The following DPY19L2 variants were observed in gnomAD, a reference collection of about 807,000 sequenced individuals.
DPY19L2 encodes the protein dpy-19 like 2, also known as probable C-mannosyltransferase DPY19L2.
In DPY19L2, 34 loss-of-function variants were observed where a neutral mutation model predicts 97.9. That is an observed-to-expected ratio of 0.35 (90% CI 0.26 to 0.46). The LOEUF (loss-of-function observed/expected upper bound fraction) is 0.46, where lower values mean the gene tolerates loss of function less well. Ranked by LOEUF, DPY19L2 falls within the 20% of genes least tolerant of loss-of-function variation. The probability of loss-of-function intolerance (pLI) is 1.00; values close to 1 mark genes in which losing one functional copy is unlikely to be tolerated. For synonymous variants in DPY19L2, 230 were observed against 307.9 expected, an observed-to-expected ratio of 0.75 and a Z score of 2.65; for missense variants, 623 against 911.4, an observed-to-expected ratio of 0.68 and a Z score of 4.07.
chr12:63,661,003 C>T (rs1446203459), intron 4 of DPY19L2: 1 of 160,834 alleles, frequency 6.2e-6, no homozygotes, highest in African/African-American at 2.4e-5. Flanking sequence ...CTTACTGTCC[C>T]TTCACGTGGT....
intron 13 of DPY19L2, among the ~76,000 whole-genome samples, chr12:63,598,596 G>A (rs2137546229): frequency 6.6e-6 from 1 of 152,192 alleles, no homozygotes; most frequent in East Asian, 1.9e-4. Flanking sequence ...CCAGAAAAAG[G>A]AAAATATTTG....
At chr12:63,635,083 C>T (rs75793383) in intron 6 of DPY19L2, among the ~76,000 whole-genome samples, 7 of 152,194 alleles carry the variant, frequency 4.6e-5, no homozygotes, top group South Asian at 2.1e-4. Context: ...TGAGACAAAA[C>T]TTCCAGAGGA....
At chr12:63,590,752 G>A (rs1882754020) in intron 16 of DPY19L2, among the ~76,000 whole-genome samples, 1 of 151,950 alleles carries the variant, frequency 6.6e-6, no homozygotes, top group Non-Finnish European at 1.5e-5. Flanking sequence ...TCTAAGAGAG[G>A]GGAGTATTCC....
At position 63,582,482 on chromosome 12, in the gene DPY19L2, G is replaced by T. The variant is rs1881102342; in HGVS notation, c.1649C>A (p.Ala550Asp). Residue 550 changes from alanine to aspartate, a missense_variant, in exon 18 of 22, where the codon GCC (alanine) becomes GAC (aspartate). Ala to Asp is a moderately radical substitution (Grantham distance 126, BLOSUM62 -2). Around this residue, in one of 6 missense-constraint regions of DPY19L2, gnomAD observed 294 missense variants for 446.2 expected, o/e 0.66. Coordinates refer to ENST00000324472, the MANE Select transcript of DPY19L2 (RefSeq NM_173812.5). ...CATCTTTAGCCTCATAATTAAAATG[G>T]CAAGGGCAGTAAACACTAACAACTG... ...TLQLLVFTAL[A>D]ILIMRLKMFL... The T allele has an allele frequency of 1.9e-6, 3 of 1,613,518 alleles. No homozygotes were observed. The highest frequency in any genetic ancestry group is 2.5e-6 in the Non-Finnish European group (3 of 1,179,642).
chr12:63,575,494 A>T lies in DPY19L2; in HGVS notation c.1901-4637T>A, dbSNP rs185885899. Among the ~76,000 whole-genome samples the T allele has an allele frequency of 1.5e-3, 224 of 151,994 alleles. 1 individual carries two copies. The Middle Eastern group carries it at 0.027, about 18-fold the overall frequency. On this transcript the variant is annotated intron_variant, in intron 19 of 21. Coordinates refer to ENST00000324472, the MANE Select transcript of DPY19L2 (RefSeq NM_173812.5). ...GCAGAAATAAATGAAATTGCAATGAAGAAAACAGTATAAAAGATCAACTGG... is the reference window on the plus strand; with the variant it reads ...GCAGAAATAAATGAAATTGCAATGATGAAAACAGTATAAAAGATCAACTGG...
At chr12:63,656,466 G>A (rs934904673) in intron 4 of DPY19L2, among the ~76,000 whole-genome samples, 18 of 152,084 alleles carry the variant, frequency 1.2e-4, no homozygotes, top group African/African-American at 2.2e-4. Context: ...TCTTTAATGC[G>A]TTTACATTTA....
intron 4 of DPY19L2, among the ~76,000 whole-genome samples, chr12:63,647,732 T>C (rs1893614420): frequency 6.6e-6 from 1 of 152,156 alleles, no homozygotes; most frequent in African/African-American, 2.4e-5. Flanking sequence ...TGTTGCTGTA[T>C]TATGAAGCTA....
At chr12:63,629,782 A>G (rs1290142143) in intron 6 of DPY19L2, among the ~76,000 whole-genome samples, 1 of 152,168 alleles carries the variant, frequency 6.6e-6, no homozygotes, top group Non-Finnish European at 1.5e-5. Context: ...ACCAAAATGG[A>G]AATGCAGGAA....
chr12:63,611,620 T>A (rs1308373921), intron 11 of DPY19L2, among the ~76,000 whole-genome samples: 6 of 152,008 alleles, frequency 3.9e-5, no homozygotes, highest in Admixed American at 3.9e-4. Context: ...CTTTTAGATA[T>A]GAAAACTACA....
Position 63,668,162 on chromosome 12 carries a change from G to A in DPY19L2, c.232C>T (p.Leu78Phe). 1 of 1,614,044 alleles carries A rather than the reference G, an allele frequency of 6.2e-7. No individual in the cohort carries two copies. The highest frequency in any genetic ancestry group is 1.1e-5 in the South Asian group (1 of 91,082). ...LELEVVAKTFLLGPFQFVRNS... is the reference protein window; with the variant it reads ...LELEVVAKTFFLGPFQFVRNS... ...CGGACGAACTGGAAGGGGCCGAGAA[G>A]AAAGGTCTTGGCCACCACCTCTAGC... The change falls in exon 1 of 22, where the codon CTT (leucine) becomes TTT (phenylalanine). Residue 78 changes from leucine to phenylalanine, a missense_variant. Transcript: ENST00000324472.
chr12:63,664,375 T>A (rs1291824499), intron 2 of DPY19L2, among the ~76,000 whole-genome samples: 4 of 151,968 alleles, frequency 2.6e-5, no homozygotes, highest in African/African-American at 9.7e-5. Flanking sequence ...CTCAATTGTA[T>A]ATCTAAAATT....
intron 19 of DPY19L2, among the ~76,000 whole-genome samples, chr12:63,572,851 T>C (rs567663871): frequency 7.2e-5 from 11 of 151,916 alleles, no homozygotes; most frequent in South Asian, 6.2e-4. Context: ...CCTCTAAGAG[T>C]CTGCAATAGC....
chr12:63,650,073 T>G (rs1195597469), intron 4 of DPY19L2, among the ~76,000 whole-genome samples: 1 of 152,084 alleles, frequency 6.6e-6, no homozygotes, highest in Non-Finnish European at 1.5e-5. Context: ...AAACCCCACA[T>G]GATTATCTAA....
rs775409379 is a variant in DPY19L2 at position 63,580,745 on chromosome 12, C to T, written c.1817G>A (p.Arg606His). 22 of 1,613,434 alleles carry T rather than the reference C, an allele frequency of 1.4e-5. No individual in the cohort carries two copies. Among genetic ancestry groups the T allele is most frequent in the Middle Eastern group, 1.6e-4 (1 of 6,072 alleles). The change falls in exon 19 of 22, where the codon CGT becomes CAT. Residue 606 changes from arginine (R) to histidine (H), a missense_variant. Around this residue, in one of 6 missense-constraint regions of DPY19L2, gnomAD observed 294 missense variants for 446.2 expected, o/e 0.66. Transcript: ENST00000324472. The part of the protein sequence containing the change: ...VMSIQGYANL[R>H]NQWSIIGEFN... ...TTCTCCTATTATGCTCCATTGATTA[C>T]GGAGGTTTGCATAACCTTGTATTGA... is the stretch of plus-strand genomic sequence containing the variant.
chr12:63,640,760 AG>A (rs1465763196), intron 6 of DPY19L2, among the ~76,000 whole-genome samples: 1 of 152,202 alleles, frequency 6.6e-6, no homozygotes, highest in Non-Finnish European at 1.5e-5. Flanking sequence ...CCTCTTCGGT[AG>A]CCCTCCTAAT....
At chr12:63,587,867 G>A (rs7294813) in intron 16 of DPY19L2, among the ~76,000 whole-genome samples, 11,217 of 151,932 alleles carry the variant, frequency 0.074, 630 homozygotes, top group African/African-American at 0.15. Context: ...CACCGAACCC[G>A]GCCTAAAACT....
chr12:63,570,654 TG>T (rs1878639551), intron 20 of DPY19L2, 103 bp downstream of exon 20: 2 of 772,254 alleles, frequency 2.6e-6, no homozygotes, highest in African/African-American at 3.4e-5. Flanking sequence ...AGTTTGTGTG[TG>T]TGTGTGTGTG....
At chr12:63,629,754 C>A (rs1423821430) in intron 6 of DPY19L2, among the ~76,000 whole-genome samples, 13 of 152,048 alleles carry the variant, frequency 8.5e-5, no homozygotes, top group Admixed American at 6.6e-5. Flanking sequence ...AACTCCAAGA[C>A]ACATAATTGT....
At chr12:63,627,341 ATTGTTG>A (rs770963727) in intron 6 of DPY19L2, among the ~76,000 whole-genome samples, 1 of 151,982 alleles carries the variant, frequency 6.6e-6, no homozygotes, top group South Asian at 2.1e-4. Context: ...TGTTGTTGTT[ATTGTTG>A]TTGTTGTTTT....
Sources: gnomAD v4.1 joint callset for allele counts (sites outside exome capture counted in the v4.1 genomes callset) on GRCh38, gnomAD v4.1.1 for gene constraint, gnomAD v4.1.1 regional missense constraint, MANE v1.5 for transcripts, NCBI Gene and HGNC (gene_info 2026-07-23, HGNC 2026-07-21) for gene names.